NDUFA10: variants seen among roughly 807,000 people sequenced by gnomAD.
NDUFA10 encodes NADH:ubiquinone oxidoreductase subunit A10.
NDUFA10 carries 40 observed loss-of-function variants against 47.8 expected under a neutral mutation model. That is an observed-to-expected ratio of 0.84 (90% CI 0.65 to 1.09). The LOEUF (loss-of-function observed/expected upper bound fraction) is 1.09, where lower values mean the gene tolerates loss of function less well. Ranked by LOEUF, NDUFA10 falls within the 50% of genes least tolerant of loss-of-function variation. NDUFA10 has a pLI of 0.00. For synonymous variants in NDUFA10, 183 were observed against 172.2 expected (o/e 1.06, Z -0.49); for missense variants, 413 against 451.1 (o/e 0.92, Z 0.76).
chr2:239,973,216 C>T (rs558618661), intron 9 of NDUFA10, among the ~76,000 whole-genome samples: 2 of 152,018 alleles, frequency 1.3e-5, no homozygotes. Flanking sequence ...AATTAAGTAA[C>T]TTATAAACTG....
intron 9 of NDUFA10, among the ~76,000 whole-genome samples, chr2:239,974,876 G>GACACTC (rs1182499639): frequency 6.7e-6 from 1 of 148,926 alleles, no homozygotes; most frequent in African/African-American, 2.5e-5. Context: ...AAAACTATGT[G>GACACTC]ACACTCTACC....
intron 7 of NDUFA10, among the ~76,000 whole-genome samples, chr2:240,006,952 G>T (rs1018004459): frequency 2.0e-5 from 3 of 152,200 alleles, no homozygotes; most frequent in Non-Finnish European, 4.4e-5. Context: ...ACTACACCAA[G>T]ATTTACTAGA....
intron 4 of NDUFA10, among the ~76,000 whole-genome samples, chr2:239,944,872 C>T (rs1694418719): frequency 6.6e-6 from 1 of 152,176 alleles, no homozygotes; most frequent in African/African-American, 2.4e-5. Context: ...TCGGCCAACC[C>T]GCCACCATCC....
At chr2:239,894,984 C>G (rs13419845) in intron 5 of NDUFA10, among the ~76,000 whole-genome samples, 19,249 of 152,140 alleles carry the variant, frequency 0.13, 1,338 homozygotes, top group South Asian at 0.18. Context: ...TAAAGACACC[C>G]CATCCACCCA....
chr2:239,934,388 G>A (rs746526879), intron 4 of NDUFA10, among the ~76,000 whole-genome samples: 1 of 107,918 alleles, frequency 9.3e-6, no homozygotes, highest in East Asian at 3.1e-4. Flanking sequence ...CCAGCCTGAC[G>A]AACCACGAAC....
intron 3 of NDUFA10, among the ~76,000 whole-genome samples, chr2:240,020,755 T>A (rs1330714364): frequency 1.3e-5 from 2 of 152,166 alleles, no homozygotes; most frequent in Non-Finnish European, 2.9e-5. Context: ...GCCTCGTGGC[T>A]TTATGGTGAT....
At chr2:239,968,931 G>C (rs1695200385) in intron 9 of NDUFA10, among the ~76,000 whole-genome samples, 2 of 152,182 alleles carry the variant, frequency 1.3e-5, no homozygotes, top group Admixed American at 1.3e-4. Context: ...AGCCCTTCCT[G>C]AAGAAAGCCC....
chr2:240,005,375 G>T (rs1220095371), intron 7 of NDUFA10, 80 bp from the exon 8 acceptor site: 2 of 1,163,108 alleles, frequency 1.7e-6, no homozygotes, highest in East Asian at 2.4e-5. Context: ...TTGAGACAGG[G>T]TCCGGCTCTA....
intron 4 of NDUFA10, among the ~76,000 whole-genome samples, chr2:240,015,339 G>T (rs1364526102): frequency 2.6e-5 from 4 of 152,194 alleles, no homozygotes; most frequent in Admixed American, 1.3e-4. Context: ...CCATATACTT[G>T]CAGTATATAT....
intron 8 of NDUFA10, among the ~76,000 whole-genome samples, chr2:239,997,526 C>A (rs1696531145): frequency 6.6e-6 from 1 of 152,208 alleles, no homozygotes; most frequent in South Asian, 2.1e-4. Context: ...TACTGGTACA[C>A]ATATTCCGGA....
In NDUFA10 at chr2:239,961,128, C is replaced by T; in HGVS notation, c.1058G>A (p.Trp353Ter). 1 of 1,614,240 alleles carries T rather than the reference C, an allele frequency of 6.2e-7. No individual in the cohort carries two copies. The highest frequency in any genetic ancestry group is 8.5e-7 in the Non-Finnish European group (1 of 1,180,050). ...CAGAAGGCGGCCCGTTCACTTCAGCCAGATCCACTTGTCTCCCACCTCGGT... is the reference window on the plus strand; with the variant it reads ...CAGAAGGCGGCCCGTTCACTTCAGCTAGATCCACTTGTCTCCCACCTCGGT... Reference protein sequence around the residue: ...YNTEVGDKWIWLK With the variant: ...YNTEVGDKWI The change falls in exon 10 of 10, where the codon TGG becomes TAG. Residue 353 changes from tryptophan to a stop codon, truncating the protein, a stop_gained. Transcript: ENST00000252711. LOFTEE classifies it high-confidence loss of function.
At chr2:239,986,514 T>C (rs1012577140) in intron 9 of NDUFA10, among the ~76,000 whole-genome samples, 2 of 152,230 alleles carry the variant, frequency 1.3e-5, no homozygotes, top group African/African-American at 4.8e-5. Context: ...CACTGGTGTG[T>C]ATTCACAGTT....
chr2:239,930,213 CT>C (rs1199269660), intron 4 of NDUFA10, among the ~76,000 whole-genome samples: 1 of 151,536 alleles, frequency 6.6e-6, no homozygotes. Context: ...TCCACTGCCC[CT>C]GCTCCTCAGC....
Position 240,018,534 on chromosome 2 carries a change from G to A in NDUFA10, c.547+19C>T, listed in dbSNP as rs779388646. On this transcript the variant is annotated intron_variant, in intron 4 of 9. Coordinates refer to ENST00000252711, the MANE Select transcript of NDUFA10 (RefSeq NM_004544.4). ...AGTCGCACCACACACCCAGAAGTGG[G>A]TCTGCAATGCTGACTCACACTGCTT... 1.1e-5 allele frequency: 18 copies of A among 1,614,118 alleles called. No individual in the cohort carries two copies. In the South Asian group the frequency reaches 1.9e-4, roughly 17 times the overall value.
At chr2:239,896,253 T>C (rs1693394579) in intron 4 of NDUFA10, among the ~76,000 whole-genome samples, 1 of 152,260 alleles carries the variant, frequency 6.6e-6, no homozygotes, top group African/African-American at 2.4e-5. Flanking sequence ...TCTCCTGTGC[T>C]CCTGCCCCTG....
chr2:239,905,965 C>T (rs1037744910), intron 4 of NDUFA10, among the ~76,000 whole-genome samples: 7 of 152,002 alleles, frequency 4.6e-5, no homozygotes, highest in Admixed American at 6.5e-5. Flanking sequence ...AAAGAGATCG[C>T]AGCCCCCATC....
rs147976459 is a variant in NDUFA10 at position 239,949,530 on chromosome 2, T to A, written c.294+40544A>T. 3.9e-5 allele frequency among the ~76,000 whole-genome samples: 6 copies of A among 152,318 alleles called. No individual in the cohort carries two copies. The East Asian group carries it at 1.2e-3, about 29-fold the overall frequency. On this transcript the variant is annotated intron_variant, in intron 4 of 5. Transcript: ENST00000419408. ...CTGTTTTTTGTTTTTTGCTTTTGTT[T>A]GTTTGTTTTTTAGAGACAAGGTCTT...
At chr2:240,009,931 T>C (rs1288435113) in intron 6 of NDUFA10, among the ~76,000 whole-genome samples, 1 of 152,240 alleles carries the variant, frequency 6.6e-6, no homozygotes, top group Non-Finnish European at 1.5e-5. Flanking sequence ...GGAAAATAAC[T>C]CCTGAATTCT....
At chr2:239,996,848 T>C (rs930169275) in intron 8 of NDUFA10, among the ~76,000 whole-genome samples, 14 of 151,992 alleles carry the variant, frequency 9.2e-5, no homozygotes, top group African/African-American at 3.4e-4. Context: ...GTCAGTGTTA[T>C]TTTATGTGTG....
Sources: gnomAD v4.1 joint callset for allele counts (sites outside exome capture counted in the v4.1 genomes callset) on GRCh38, gnomAD v4.1.1 for gene constraint, MANE v1.5 for transcripts, NCBI Gene and HGNC (gene_info 2026-07-23, HGNC 2026-07-21) for gene names.